The following GRK5 variants were observed in gnomAD, a reference collection of about 807,000 sequenced individuals.
GRK5 encodes the protein g protein-coupled receptor kinase GRK5.
In GRK5, 40 loss-of-function variants were observed where a neutral mutation model predicts 78.4. That is an observed-to-expected ratio of 0.51 (90% CI 0.40 to 0.66). The LOEUF (loss-of-function observed/expected upper bound fraction) is 0.66. GRK5 is among the 30% of genes least tolerant of loss of function. The pLI, the probability that GRK5 is intolerant of heterozygous loss-of-function variation, is 0.00. For synonymous variants in GRK5, 289 were observed against 296.8 expected (o/e 0.97, Z 0.27); for missense variants, 598 against 759.9 (o/e 0.79, Z 2.50).
intron 1 of GRK5, among the ~76,000 whole-genome samples, chr10:119,276,021 CTGTT>C (rs1762996149): frequency 6.6e-6 from 1 of 152,168 alleles, no homozygotes; most frequent in African/African-American, 2.4e-5. Flanking sequence ...CCTTCCTCCT[CTGTT>C]TGCCAGATTA....
chr10:119,216,598 C>T (rs1848578198), intron 1 of GRK5, among the ~76,000 whole-genome samples: 1 of 151,772 alleles, frequency 6.6e-6, no homozygotes. Flanking sequence ...TGCTTGAGGC[C>T]AGGAGTTCAA....
intron 6 of GRK5, among the ~76,000 whole-genome samples, chr10:119,425,510 G>T (rs1852661409): frequency 1.3e-5 from 2 of 152,150 alleles, no homozygotes; most frequent in South Asian, 4.1e-4. Context: ...AAATCTTTAA[G>T]TACTTCTGCA....
chr10:119,279,101 C>T (rs1000956178), intron 1 of GRK5, among the ~76,000 whole-genome samples: 5 of 152,106 alleles, frequency 3.3e-5, no homozygotes, highest in Non-Finnish European at 5.9e-5. Flanking sequence ...AGGATGGTCT[C>T]GATCTCCTGA....
intron 1 of GRK5, among the ~76,000 whole-genome samples, chr10:119,318,659 A>C (rs1342079009): frequency 6.6e-6 from 1 of 152,078 alleles, no homozygotes; most frequent in East Asian, 1.9e-4. Context: ...CCCCAGCCGC[A>C]TCCCACTGGG....
At chr10:119,400,949 C>T (rs959913209) in intron 4 of GRK5, among the ~76,000 whole-genome samples, 1 of 152,148 alleles carries the variant, frequency 6.6e-6, no homozygotes, top group African/African-American at 2.4e-5. Flanking sequence ...GGATGAGGGC[C>T]GTGGGAAGGT....
At chr10:119,389,739 A>T (rs1275979452) in intron 3 of GRK5, among the ~76,000 whole-genome samples, 1 of 152,044 alleles carries the variant, frequency 6.6e-6, no homozygotes, top group Non-Finnish European at 1.5e-5. Context: ...AAACCCTGGG[A>T]ACTGTGGACT....
chr10:119,261,241 A>G (rs1188734087), intron 1 of GRK5, among the ~76,000 whole-genome samples: 17 of 108,020 alleles, frequency 1.6e-4, no homozygotes, highest in Admixed American at 2.9e-4. Flanking sequence ...GGGCAGAGAC[A>G]CTCCTCACCT....
intron 1 of GRK5, among the ~76,000 whole-genome samples, chr10:119,261,057 G>C (rs1288428019): frequency 1.5e-5 from 1 of 67,806 alleles, no homozygotes; most frequent in African/African-American, 4.7e-5. Flanking sequence ...CCTCCCTCCC[G>C]GACGGGGCGG....
chr10:119,330,088 C>T (rs578235988), intron 2 of GRK5: 1 of 152,142 alleles, frequency 6.6e-6, no homozygotes, highest in Admixed American at 6.5e-5. Flanking sequence ...GTTTCAAACT[C>T]CTGGCCTCAA....
intron 1 of GRK5, among the ~76,000 whole-genome samples, chr10:119,259,254 C>G (rs11594067): frequency 6.6e-6 from 1 of 151,452 alleles, no homozygotes; most frequent in African/African-American, 2.4e-5. Flanking sequence ...TTAGTAGAGA[C>G]GGGGTTTCAC....
chr10:119,288,725 C>A (rs1307367807), intron 1 of GRK5, among the ~76,000 whole-genome samples: 1 of 152,162 alleles, frequency 6.6e-6, no homozygotes, highest in African/African-American at 2.4e-5. Flanking sequence ...GTGGTTGATT[C>A]CCAGGGCAGC....
rs548982268 is a variant in GRK5 at position 119,445,875 on chromosome 10, C to T, written c.1266+2123C>T. On this transcript the variant is annotated intron_variant, in intron 12 of 15. Transcript: ENST00000392870. The surrounding 1 kb of genome is among the most constrained non-coding windows in gnomAD (Gnocchi z 4.1). Reference sequence around the variant, plus strand: ...AGTGAGGAAGCCAGTCTCTGGCCCCCAGGTCTGTCCCCCATTCTACCTTAG... The same window carrying T: ...AGTGAGGAAGCCAGTCTCTGGCCCCTAGGTCTGTCCCCCATTCTACCTTAG... Among the ~76,000 whole-genome samples the T allele has an allele frequency of 6.6e-6, 1 of 152,276 alleles. No homozygotes were observed. Among genetic ancestry groups the T allele is most frequent in the Admixed American group, 6.5e-5 (1 of 15,304 alleles).
At chr10:119,280,571 C>T (rs907258219) in intron 1 of GRK5, among the ~76,000 whole-genome samples, 4 of 152,076 alleles carry the variant, frequency 2.6e-5, no homozygotes, top group African/African-American at 9.7e-5. Context: ...TTAGGGGTCT[C>T]AGCATGGAAA....
chr10:119,299,076 C>T (rs893462934), intron 1 of GRK5, among the ~76,000 whole-genome samples: 4 of 152,194 alleles, frequency 2.6e-5, no homozygotes, highest in African/African-American at 9.6e-5. Context: ...CCAAGAATAG[C>T]AGGTATTCAT....
chr10:119,382,188 C>CAGGCTCTGCCTTGGGCTTAGGGG (rs1164901056), intron 3 of GRK5, among the ~76,000 whole-genome samples: 32,063 of 141,366 alleles, frequency 0.23, 5,557 homozygotes, highest in Non-Finnish European at 0.29. Flanking sequence ...CTCCCCTCTG[C>CAGGCTCTGCCTTGGGCTTAGGGG]AGGCTCTGCC....
Position 119,455,095 on chromosome 10 carries a change from T to G in GRK5, c.*28T>G, listed in dbSNP as rs886284246. On this transcript the variant is annotated 3_prime_UTR_variant, in exon 16 of 16. Transcript: ENST00000392870. ...TCGGCTCTGGCCTCCAAGTCCACAG[T>G]GGAACCAGCCCAGACCCTTCTCCTT... 1 of 1,518,250 alleles carries G rather than the reference T, an allele frequency of 6.6e-7. No homozygotes were observed. Among genetic ancestry groups the G allele is most frequent in the Admixed American group, 1.7e-5 (1 of 59,902 alleles). The allele number at this position is 1,518,250 out of a possible 1,614,324, so 94.0% of individuals were successfully genotyped here. A position where few individuals can be genotyped will look rare whatever the true frequency, so the allele number is the denominator to read the frequency against.
chr10:119,415,934 TC>T (rs909717058), intron 4 of GRK5, among the ~76,000 whole-genome samples: 6 of 152,194 alleles, frequency 3.9e-5, no homozygotes, highest in African/African-American at 1.4e-4. Context: ...TCCTCTGATC[TC>T]CACCTCCTCC....
intron 4 of GRK5, among the ~76,000 whole-genome samples, chr10:119,410,346 T>G (rs1316694166): frequency 6.6e-6 from 1 of 152,206 alleles, no homozygotes; most frequent in African/African-American, 2.4e-5. Context: ...CTAAGCGCAC[T>G]TCTTCCTTAT....
chr10:119,436,619 A>G (rs776174931), intron 8 of GRK5, 32 bp from the exon 9 acceptor site: 9 of 1,608,790 alleles, frequency 5.6e-6, no homozygotes, highest in Non-Finnish European at 6.8e-6. Flanking sequence ...CATTGTCACA[A>G]CCTCCCCATG....
Sources: gnomAD v4.1 joint callset for allele counts (sites outside exome capture counted in the v4.1 genomes callset) on GRCh38, gnomAD v4.1.1 for gene constraint, Gnocchi (gnomAD v3.1) non-coding constraint, MANE v1.5 for transcripts, NCBI Gene and HGNC (gene_info 2026-07-23, HGNC 2026-07-21) for gene names.